MVK: variants seen among roughly 807,000 people sequenced by gnomAD.
MVK encodes the protein LH receptor mRNA-binding protein.
In MVK, 34 loss-of-function variants were observed where a neutral mutation model predicts 43.2. That is an observed-to-expected ratio of 0.79 (90% CI 0.60 to 1.05). The LOEUF (loss-of-function observed/expected upper bound fraction) is 1.05. MVK is among the 50% of genes least tolerant of loss of function. The probability of loss-of-function intolerance (pLI) is 0.00; values close to 1 mark genes in which losing one functional copy is unlikely to be tolerated. For missense variants in MVK, 395 were observed against 504.0 expected (o/e 0.78, Z 2.07); for synonymous variants, 190 against 219.8 (o/e 0.86, Z 1.20).
At chr12:109,586,874 G>T (rs1483877610) in intron 7 of MVK, 75 bp downstream of exon 7, 5 of 1,571,798 alleles carry the variant, frequency 3.2e-6, no homozygotes, top group Non-Finnish European at 8.7e-7. Flanking sequence ...CTGCACCTTT[G>T]GGAAGTACCA....
chr12:109,576,948 T>C (rs1031836489), intron 3 of MVK, among the ~76,000 whole-genome samples: 1 of 152,192 alleles, frequency 6.6e-6, no homozygotes, highest in African/African-American at 2.4e-5. Context: ...TACTGGGACA[T>C]TGTAATTTTA....
rs34368092 is a variant in MVK at position 109,581,428 on chromosome 12, G to A, written c.405G>A (p.Ser135=). Residue 135 remains serine, a synonymous_variant, in exon 5 of 11, where the codon TCG becomes TCA. Coordinates refer to ENST00000228510, the MANE Select transcript of MVK (RefSeq NM_000431.4). ...ALPSLDIVVW[S]ELPPGAGLGS... ...CGAGCCTGGATATCGTAGTGTGGTC[G>A]GAGCTGCCCCCCGGGGCGGGCTTGG... 77,520 of 1,614,080 alleles carry A rather than the reference G, an allele frequency of 0.048. 2,437 individuals are homozygous for A. The highest frequency in any genetic ancestry group is 0.059 in the Middle Eastern group (358 of 6,034).
chr12:109,574,933 T>A (rs1382378973), intron 2 of MVK, 33 bp downstream of exon 2: 1 of 1,580,406 alleles, frequency 6.3e-7, no homozygotes, highest in Admixed American at 1.8e-5. Flanking sequence ...AAGGATTGGG[T>A]ACCCCTTCTC....
intron 5 of MVK, among the ~76,000 whole-genome samples, chr12:109,585,561 C>T (rs1486858501): frequency 1.3e-5 from 2 of 151,992 alleles, no homozygotes; most frequent in South Asian, 2.1e-4. Context: ...CCAAAGCGGG[C>T]GTTCGAGACC....
intron 1 of MVK, among the ~76,000 whole-genome samples, chr12:109,574,419 A>G (rs1176099278): frequency 6.6e-6 from 1 of 152,266 alleles, no homozygotes; most frequent in Admixed American, 6.5e-5. Context: ...GAACAGAGCC[A>G]GTAATAAGTA....
At chr12:109,577,088 G>GT (rs938344837) in intron 3 of MVK, among the ~76,000 whole-genome samples, 4 of 152,120 alleles carry the variant, frequency 2.6e-5, no homozygotes, top group Admixed American at 2.0e-4. Flanking sequence ...AGATATCTTG[G>GT]TTTTTTAACC....
chr12:109,596,537 C>T lies in MVK; in HGVS notation c.1151C>T (p.Ser384Phe), dbSNP rs104895383. Reference protein sequence around the residue: ...APGVSIHSATSLDSRVQQALD... With the variant: ...APGVSIHSATFLDSRVQQALD... ...GGCGTCTCCATCCACTCAGCCACCTCCCTGGACAGCCGAGTCCAGCAAGCC... is the reference window on the plus strand; with the variant it reads ...GGCGTCTCCATCCACTCAGCCACCTTCCTGGACAGCCGAGTCCAGCAAGCC... The change falls in exon 11 of 11, where the codon TCC becomes TTC. Residue 384 changes from serine (S) to phenylalanine (F), a missense_variant. Transcript: ENST00000228510. The T allele has an allele frequency of 8.1e-6, 13 of 1,612,068 alleles. No individual in the cohort carries two copies. Among genetic ancestry groups the T allele is most frequent in the Non-Finnish European group, 8.5e-6 (10 of 1,179,942 alleles).
intron 2 of MVK, 80 bp from the exon 3 acceptor site, chr12:109,575,918 T>A: frequency 6.4e-7 from 1 of 1,555,966 alleles, no homozygotes; most frequent in Non-Finnish European, 8.8e-7. Context: ...GTGCTTATGT[T>A]TGCTCTCTTC....
intron 2 of MVK, among the ~76,000 whole-genome samples, chr12:109,575,176 G>C (rs923728584): frequency 4.6e-5 from 7 of 152,194 alleles, no homozygotes; most frequent in Admixed American, 2.6e-4. Context: ...AGAGGTTTGA[G>C]AACTGAGCTC....
rs1291410485 is a variant in MVK, at chr12:109,596,118, GGAGACT to G, written c.1040-297_1040-292del. 2.6e-5 allele frequency among the ~76,000 whole-genome samples: 4 copies of G among 152,336 alleles called. 1 individual carries two copies. In the South Asian group the frequency reaches 6.2e-4, roughly 24 times the overall value. On this transcript the variant is annotated intron_variant, in intron 10 of 10. Transcript: ENST00000228510. Reference sequence around the variant, plus strand: ...CATCATTAGCCCCATTCCCAGATGAGGAGACTGAGACTGAGAGAGGGGAAGTCACTT... The same window carrying G: ...CATCATTAGCCCCATTCCCAGATGAGGAGACTGAGAGAGGGGAAGTCACTT...
At chr12:109,580,525 C>G (rs1885172270) in intron 4 of MVK, among the ~76,000 whole-genome samples, 1 of 152,164 alleles carries the variant, frequency 6.6e-6, no homozygotes, top group South Asian at 2.1e-4. Context: ...AGGCTCTATG[C>G]TGAGGACACA....
chr12:109,586,724 C>G, intron 6 of MVK, 30 bp from the exon 7 acceptor site: 1 of 1,613,568 alleles, frequency 6.2e-7, no homozygotes, highest in Non-Finnish European at 8.5e-7. Context: ...GCTTTTCCCA[C>G]AGCTCTGACC....
intron 10 of MVK, among the ~76,000 whole-genome samples, chr12:109,596,042 A>G (rs1180874863): frequency 1.3e-5 from 2 of 152,142 alleles, no homozygotes; most frequent in Admixed American, 1.3e-4. Flanking sequence ...TGTGCCAGGC[A>G]CTTTACCTGC....
intron 4 of MVK, among the ~76,000 whole-genome samples, chr12:109,581,107 A>C (rs1463902923): frequency 1.3e-5 from 2 of 152,214 alleles, no homozygotes; most frequent in Non-Finnish European, 2.9e-5. Context: ...GCATGTGGGC[A>C]CAGGAAGGAG....
At chr12:109,579,669 G>A in intron 3 of MVK, 133 bp from the exon 4 acceptor site, 1 of 1,240,142 alleles carries the variant, frequency 8.1e-7, no homozygotes, top group Non-Finnish European at 1.2e-6. Flanking sequence ...ACTTGGGTGT[G>A]GGGTTCAGAC....
At chr12:109,582,078 C>T (rs66730760) in intron 5 of MVK, among the ~76,000 whole-genome samples, 17,188 of 152,238 alleles carry the variant, frequency 0.11, 1,152 homozygotes, top group Middle Eastern at 0.14. Context: ...CCACGGAGGG[C>T]GTGTCACCTC....
chr12:109,590,493 C>T (rs1404125856), intron 7 of MVK: 1 of 497,246 alleles, frequency 2.0e-6, no homozygotes, highest in South Asian at 2.0e-5. Flanking sequence ...GCCCCGGCCC[C>T]AAGGCCACGC....
chr12:109,578,127 C>T lies in MVK; in HGVS notation c.227-1675C>T, dbSNP rs552760644. 1.3e-4 allele frequency among the ~76,000 whole-genome samples: 20 copies of T among 152,172 alleles called. No homozygotes were observed. The East Asian group carries it at 1.9e-3, about 15-fold the overall frequency. ...ACACTGGAGGCAGGCATTAGGGGTG[C>T]GACACAGAGTGCATTATGTAGGGAA... is the stretch of plus-strand genomic sequence containing the variant. On this transcript the variant is annotated intron_variant, in intron 3 of 10. Transcript: ENST00000228510.
intron 7 of MVK, chr12:109,588,998 TG>T: frequency 6.6e-6 from 1 of 152,486 alleles, no homozygotes; most frequent in Non-Finnish European, 1.5e-5. Context: ...GGGGCGGGGC[TG>T]GTCCCTGGCA....
Sources: gnomAD v4.1 joint callset for allele counts (sites outside exome capture counted in the v4.1 genomes callset) on GRCh38, gnomAD v4.1.1 for gene constraint, MANE v1.5 for transcripts, NCBI Gene and HGNC (gene_info 2026-07-23, HGNC 2026-07-21) for gene names.